CNTN5: variants seen among roughly 807,000 people sequenced by gnomAD.
The protein encoded by CNTN5 is contactin-5.
Under a neutral mutation model 129.1 loss-of-function variants are expected in CNTN5, and 77 were observed. The ratio of observed to expected loss-of-function variants is 0.60; its 90% confidence interval spans 0.50 to 0.72. The LOEUF is 0.72. CNTN5 is among the 30% of genes least tolerant of loss of function. The pLI, the probability that CNTN5 is intolerant of heterozygous loss-of-function variation, is 0.00. For synonymous variants in CNTN5, 509 were observed against 465.6 expected, an observed-to-expected ratio of 1.09 and a Z score of -1.20; for missense variants, 1,478 against 1,328.8, an observed-to-expected ratio of 1.11 and a Z score of -1.75.
intron 13 of CNTN5, among the ~76,000 whole-genome samples, chr11:100,106,269 A>G (rs1264461452): frequency 6.6e-6 from 1 of 152,202 alleles, no homozygotes; most frequent in African/African-American, 2.4e-5. Flanking sequence ...TCAGAGAATA[A>G]GGGCCACTAA....
intron 6 of CNTN5, among the ~76,000 whole-genome samples, chr11:99,909,505 T>A (rs1040159288): frequency 1.3e-5 from 2 of 151,874 alleles, no homozygotes; most frequent in African/African-American, 4.9e-5. Context: ...TAAAGACATA[T>A]ACACACGTTA....
At chr11:99,500,496 G>C (rs912703777) in intron 2 of CNTN5, among the ~76,000 whole-genome samples, 1 of 152,008 alleles carries the variant, frequency 6.6e-6, no homozygotes, top group Non-Finnish European at 1.5e-5. Flanking sequence ...CTACCCAAAA[G>C]TTTATCAATT....
intron 3 of CNTN5, among the ~76,000 whole-genome samples, chr11:99,759,903 G>T (rs935001718): frequency 2.6e-5 from 4 of 152,150 alleles, no homozygotes; most frequent in Non-Finnish European, 5.9e-5. Context: ...CAATAGTCAT[G>T]TAACTGACAG....
intron 1 of CNTN5, among the ~76,000 whole-genome samples, chr11:99,034,902 C>T (rs1214253314): frequency 4.0e-5 from 6 of 150,592 alleles, no homozygotes; most frequent in Non-Finnish European, 7.4e-5. Flanking sequence ...CTCTTGTGGG[C>T]ATTTAGTGCT....
chr11:99,216,424 A>G (rs944489321), intron 1 of CNTN5, among the ~76,000 whole-genome samples: 3 of 152,070 alleles, frequency 2.0e-5, no homozygotes, highest in African/African-American at 4.8e-5. Flanking sequence ...GGTTGATTCC[A>G]TATCTTGACT....
chr11:99,595,533 A>C (rs1950099598), intron 3 of CNTN5, among the ~76,000 whole-genome samples: 1 of 152,138 alleles, frequency 6.6e-6, no homozygotes, highest in African/African-American at 2.4e-5. Context: ...ATAATAGGTA[A>C]AGTGCAATAT....
chr11:99,613,151 GT>G (rs1235065498), intron 3 of CNTN5, among the ~76,000 whole-genome samples: 1 of 152,180 alleles, frequency 6.6e-6, no homozygotes, highest in Non-Finnish European at 1.5e-5. Context: ...GTTAGGCTTT[GT>G]GTCCCCACCT....
At chr11:100,255,321 C>T (rs1290302093) in intron 16 of CNTN5, among the ~76,000 whole-genome samples, 1 of 152,132 alleles carries the variant, frequency 6.6e-6, no homozygotes, top group Non-Finnish European at 1.5e-5. Context: ...TGTATGTTCT[C>T]TGAACATGAA....
At chr11:99,973,207 G>C (rs1343893122) in intron 8 of CNTN5, among the ~76,000 whole-genome samples, 6 of 152,196 alleles carry the variant, frequency 3.9e-5, no homozygotes, top group African/African-American at 1.4e-4. Flanking sequence ...TTTATATTCA[G>C]TCAGATTATG....
At chr11:100,090,435 T>G (rs1053991727) in intron 13 of CNTN5, among the ~76,000 whole-genome samples, 3 of 148,618 alleles carry the variant, frequency 2.0e-5, no homozygotes, top group Non-Finnish European at 3.0e-5. Flanking sequence ...CTGCCTGCCT[T>G]CCTTCCTTCC....
At chr11:99,582,344 C>G (rs1026369816) in intron 3 of CNTN5, among the ~76,000 whole-genome samples, 4 of 152,118 alleles carry the variant, frequency 2.6e-5, no homozygotes, top group Admixed American at 6.6e-5. Flanking sequence ...GTGCCATTCT[C>G]TTTATTTCCT....
chr11:99,445,577 C>T (rs2135167501), intron 2 of CNTN5, among the ~76,000 whole-genome samples: 1 of 152,198 alleles, frequency 6.6e-6, no homozygotes, highest in East Asian at 1.9e-4. Flanking sequence ...ATGTAAAAGA[C>T]AATTTTTCTT....
intron 1 of CNTN5, among the ~76,000 whole-genome samples, chr11:99,044,164 C>A (rs1864112707): frequency 1.3e-5 from 2 of 152,156 alleles, no homozygotes; most frequent in African/African-American, 4.8e-5. Flanking sequence ...GCATGAAAAC[C>A]AGGCCTTCCT....
At chr11:100,275,517 ATTTGGGATGAATAATCCT>A (rs1950491315) in intron 18 of CNTN5, among the ~76,000 whole-genome samples, 1 of 151,820 alleles carries the variant, frequency 6.6e-6, no homozygotes, top group Non-Finnish European at 1.5e-5. Context: ...TAAATAATCC[ATTTGGGATGAATAATCCT>A]TTTCAACTTT....
At chr11:99,030,415 T>C (rs1863313217) in intron 1 of CNTN5, among the ~76,000 whole-genome samples, 2 of 152,230 alleles carry the variant, frequency 1.3e-5, no homozygotes, top group Non-Finnish European at 2.9e-5. Context: ...TATTCATGTA[T>C]GTTTGCTGAT....
intron 1 of CNTN5, among the ~76,000 whole-genome samples, chr11:99,113,837 G>A (rs1204149422): frequency 1.3e-5 from 2 of 152,056 alleles, no homozygotes; most frequent in Non-Finnish European, 1.5e-5. Context: ...ATTACATAAA[G>A]AGATAAAGAG....
chr11:100,248,338 A>AGTTTT (rs1391528041), intron 16 of CNTN5, among the ~76,000 whole-genome samples: 1 of 152,050 alleles, frequency 6.6e-6, no homozygotes, highest in Non-Finnish European at 1.5e-5. Flanking sequence ...TGAGGCCAGG[A>AGTTTT]GTTTGAGACC....
Position 99,602,151 on chromosome 11 carries a change from G to A in CNTN5, c.55+45882G>A, listed in dbSNP as rs7107787. Among the ~76,000 whole-genome samples the A allele has an allele frequency of 9.4e-3, 1,425 of 152,044 alleles. 23 individuals are homozygous for A. The highest frequency in any genetic ancestry group is 0.033 in the African/African-American group (1,360 of 41,478). ...AAATCATGTAGATTACTGAAGAGGT[G>A]CAGACAAAATAGTTACCATGAGATA... On this transcript the variant is annotated intron_variant, in intron 3 of 24. Transcript: ENST00000524871.
chr11:99,256,369 G>T (rs1478985127), intron 1 of CNTN5, among the ~76,000 whole-genome samples: 3 of 152,038 alleles, frequency 2.0e-5, no homozygotes, highest in African/African-American at 7.2e-5. Context: ...GAGCCCTGCA[G>T]CTGTGTTTGA....
Sources: gnomAD v4.1 joint callset for allele counts (sites outside exome capture counted in the v4.1 genomes callset) on GRCh38, gnomAD v4.1.1 for gene constraint, MANE v1.5 for transcripts, NCBI Gene and HGNC (gene_info 2026-07-23, HGNC 2026-07-21) for gene names.